PPIL4: variants seen among roughly 807,000 people sequenced by gnomAD.
The protein encoded by PPIL4 is peptidyl-prolyl cis-trans isomerase-like 4.
A neutral mutation model predicts 69.1 loss-of-function variants in PPIL4; 50 were observed. The ratio of observed to expected loss-of-function variants is 0.72; its 90% CI spans 0.58 to 0.92. The LOEUF (loss-of-function observed/expected upper bound fraction) is 0.92, where lower values mean the gene tolerates loss of function less well. Ranked by LOEUF, PPIL4 falls within the 40% of genes least tolerant of loss-of-function variation. The pLI, the probability that PPIL4 is intolerant of heterozygous loss-of-function variation, is 0.00. For missense variants in PPIL4, 480 were observed against 587.9 expected (o/e 0.82, Z 1.90); for synonymous variants, 193 against 191.6 (o/e 1.01, Z -0.06).
intron 12 of PPIL4, among the ~76,000 whole-genome samples, chr6:149,511,035 C>A (rs749943955): frequency 5.9e-5 from 9 of 151,944 alleles, no homozygotes; most frequent in Non-Finnish European, 1.2e-4. Context: ...AGTATGTAAA[C>A]CTAGCTCTCC....
chr6:149,514,270 T>C (rs1184507188), intron 11 of PPIL4, among the ~76,000 whole-genome samples: 1 of 152,200 alleles, frequency 6.6e-6, no homozygotes, highest in Non-Finnish European at 1.5e-5. Context: ...ACACATTCCA[T>C]AGCTCCCACC....
At chr6:149,526,526 A>G in intron 8 of PPIL4, 126 bp downstream of exon 8, 1 of 782,536 alleles carries the variant, frequency 1.3e-6, no homozygotes, top group African/African-American at 1.7e-5. Flanking sequence ...CCAAAGACTC[A>G]CCTGTAAAAA....
At chr6:149,524,465 T>C (rs936604214) in intron 9 of PPIL4, among the ~76,000 whole-genome samples, 2 of 152,214 alleles carry the variant, frequency 1.3e-5, no homozygotes, top group Admixed American at 6.5e-5. Flanking sequence ...TATCATACAA[T>C]AGCTGGCTAA....
chr6:149,541,475 A>T, intron 2 of PPIL4, 44 bp from the exon 3 acceptor site: 1 of 1,514,614 alleles, frequency 6.6e-7, no homozygotes, highest in Non-Finnish European at 9.1e-7. Context: ...AGTTTGTTAG[A>T]TAGTTCCAAT....
intron 4 of PPIL4, 30 bp from the exon 5 acceptor site, chr6:149,535,768 T>C: frequency 2.0e-6 from 3 of 1,467,500 alleles, no homozygotes; most frequent in South Asian, 1.3e-5. Context: ...ATAAATACCA[T>C]AAAAATAATA....
At chr6:149,544,713 T>C (rs1411228910) in intron 1 of PPIL4, among the ~76,000 whole-genome samples, 1 of 152,096 alleles carries the variant, frequency 6.6e-6, no homozygotes, top group Non-Finnish European at 1.5e-5. Flanking sequence ...AGGACAATAG[T>C]GGAGAAGAAT....
At chr6:149,544,246 T>G (rs1199047779) in intron 1 of PPIL4, among the ~76,000 whole-genome samples, 3 of 152,174 alleles carry the variant, frequency 2.0e-5, no homozygotes, top group Non-Finnish European at 4.4e-5. Flanking sequence ...CCCTATGATA[T>G]TCTTTGAAAC....
At chr6:149,536,512 T>C (rs1777277697) in intron 4 of PPIL4, among the ~76,000 whole-genome samples, 1 of 152,088 alleles carries the variant, frequency 6.6e-6, no homozygotes, top group Middle Eastern at 3.2e-3. Context: ...AATGATAAAA[T>C]GAAACAGGCT....
At chr6:149,536,371 T>C (rs1387832855) in intron 4 of PPIL4, among the ~76,000 whole-genome samples, 3 of 152,130 alleles carry the variant, frequency 2.0e-5, no homozygotes, top group East Asian at 3.9e-4. Flanking sequence ...TGATTAAGCA[T>C]AGTGAGAAAG....
At chr6:149,507,545 ATTGG>A (rs1295864625) in intron 12 of PPIL4, among the ~76,000 whole-genome samples, 12 of 144,304 alleles carry the variant, frequency 8.3e-5, no homozygotes, top group African/African-American at 3.5e-4. Flanking sequence ...TTATTTCTGT[ATTGG>A]TTGAGACAAA....
At chr6:149,538,327 G>A (rs549268347) in intron 4 of PPIL4, among the ~76,000 whole-genome samples, 8 of 152,016 alleles carry the variant, frequency 5.3e-5, no homozygotes, top group African/African-American at 1.4e-4. Context: ...GCCATGGATC[G>A]AAGAGTAATT....
In PPIL4 at chr6:149,533,560, T is replaced by C; in HGVS notation, c.576A>G (p.Gly192=). ...TGAAATCATCAATTTCTTCATCTGC[T>C]CCTATTCGACCACTCTGTTAAGACA... is the stretch of plus-strand genomic sequence containing the variant. The part of the protein sequence containing the change: ...TREQLDSGRI[G]ADEEIDDFKG... Residue 192 remains glycine (G), a synonymous_variant, in exon 7 of 13, where the codon GGA becomes GGG. Coordinates refer to ENST00000253329, the MANE Select transcript of PPIL4 (RefSeq NM_139126.4). 1 of 1,605,714 alleles carries C rather than the reference T, an allele frequency of 6.2e-7. No individual in the cohort carries two copies. The highest frequency in any genetic ancestry group is 2.2e-5 in the East Asian group (1 of 44,710).
chr6:149,527,309 G>A (rs544851580), intron 7 of PPIL4, among the ~76,000 whole-genome samples: 10 of 152,154 alleles, frequency 6.6e-5, no homozygotes, highest in Non-Finnish European at 1.3e-4. Context: ...AGTGAGCTAC[G>A]CCACTTCACC....
chr6:149,508,381 T>C (rs1776796544), intron 12 of PPIL4, among the ~76,000 whole-genome samples: 1 of 152,090 alleles, frequency 6.6e-6, no homozygotes, highest in South Asian at 2.1e-4. Flanking sequence ...ATATTATTTA[T>C]ACATTTAAAA....
chr6:149,504,774 C>A lies in PPIL4; in HGVS notation c.*679G>T, dbSNP rs1319209746. The stretch of plus-strand genomic sequence containing the variant: ...GGCATTATTTTATCAATATATCAAG[C>A]AATATAACTGCTAGATACAATGTTC... On this transcript the variant is annotated 3_prime_UTR_variant, in exon 13 of 13. Transcript: ENST00000253329. 6.6e-6 allele frequency: 1 copy of A among 152,062 alleles called. No individual in the cohort carries two copies. Among genetic ancestry groups the A allele is most frequent in the Non-Finnish European group, 1.5e-5 (1 of 68,038 alleles). The allele number at this position is 152,062 out of a possible 1,614,324, so 9.4% of individuals were successfully genotyped here. A position where few individuals can be genotyped will look rare whatever the true frequency, so the allele number is the denominator to read the frequency against.
intron 4 of PPIL4, among the ~76,000 whole-genome samples, chr6:149,536,534 TGAA>T (rs1287915899): frequency 6.6e-6 from 1 of 152,076 alleles, no homozygotes; most frequent in South Asian, 2.1e-4. Context: ...ACTGCTGATA[TGAA>T]GAAGGTTTTA....
chr6:149,507,801 G>C (rs993510060), intron 12 of PPIL4, among the ~76,000 whole-genome samples: 1 of 152,134 alleles, frequency 6.6e-6, no homozygotes, highest in African/African-American at 2.4e-5. Flanking sequence ...AGGTAGATCT[G>C]GGTTCAAATA....
chr6:149,539,664 G>A (rs1300166083), intron 4 of PPIL4, among the ~76,000 whole-genome samples: 8 of 152,156 alleles, frequency 5.3e-5, no homozygotes, highest in Admixed American at 2.0e-4. Context: ...ACAGATGTAT[G>A]CTACCACGCC....
chr6:149,539,514 A>G (rs916444404), intron 4 of PPIL4, among the ~76,000 whole-genome samples: 3 of 152,312 alleles, frequency 2.0e-5, no homozygotes, highest in Admixed American at 2.0e-4. Flanking sequence ...AGAAGCAGGA[A>G]CTACAGCCCT....
Sources: allele counts gnomAD v4.1 joint callset (sites outside exome capture counted in the v4.1 genomes callset), GRCh38; gene constraint gnomAD v4.1.1; transcripts MANE v1.5; gene names NCBI Gene and HGNC (gene_info 2026-07-23, HGNC 2026-07-21).